LRRC37B: variants seen among roughly 807,000 people sequenced by gnomAD.
LRRC37B encodes the protein leucine-rich repeat-containing protein 37B.
In LRRC37B, 28 loss-of-function variants were observed where a neutral mutation model predicts 98.3. The ratio of observed to expected loss-of-function variants is 0.28; its 90% CI spans 0.21 to 0.39. The LOEUF (loss-of-function observed/expected upper bound fraction) is 0.39. LRRC37B is among the 10% of genes least tolerant of loss of function. The pLI, the probability that LRRC37B is intolerant of heterozygous loss-of-function variation, is 1.00. For missense variants in LRRC37B, 938 were observed against 1,182.7 expected, an observed-to-expected ratio of 0.79 and a Z score of 3.03; for synonymous variants, 364 against 442.7, an observed-to-expected ratio of 0.82 and a Z score of 2.23.
rs1911637263 is a variant in LRRC37B, at chr17:32,047,915, C to G, written c.2464+14C>G. ...CAGGCTTTGGGGGTGAGCAGCTAGACACCAATGACGAGAGTGATGTTAGCA... is the reference window on the plus strand; with the variant it reads ...CAGGCTTTGGGGGTGAGCAGCTAGAGACCAATGACGAGAGTGATGTTAGCA... On this transcript the variant is annotated intron_variant, in intron 9 of 11. Transcript: ENST00000327564. 1 of 1,614,022 alleles carries G rather than the reference C, an allele frequency of 6.2e-7. No individual in the cohort carries two copies. Among genetic ancestry groups the G allele is most frequent in the South Asian group, 1.1e-5 (1 of 91,086 alleles).
At chr17:32,035,536 A>G (rs745931049) in intron 6 of LRRC37B, 29 bp from the exon 10 acceptor site, 1 of 1,594,352 alleles carries the variant, frequency 6.3e-7, no homozygotes, top group Admixed American at 1.7e-5. Context: ...ATGGGTTCAT[A>G]TCATGAATGT....
At chr17:32,048,925 G>A (rs555507244) in intron 9 of LRRC37B, 177 bp from the exon 13 acceptor site, 1 of 1,336,712 alleles carries the variant, frequency 7.5e-7, no homozygotes, top group East Asian at 2.3e-5. Context: ...TGTGTTCAAA[G>A]ACACATCTCT....
At chr17:32,033,231 G>T (rs554616229) in intron 5 of LRRC37B, among the ~76,000 whole-genome samples, 3 of 151,498 alleles carry the variant, frequency 2.0e-5, no homozygotes, top group African/African-American at 7.3e-5. Context: ...CACCCGCCTG[G>T]CTTCCCAAAG....
chr17:32,041,192 C>G (rs1911419634), intron 7 of LRRC37B: 1 of 772,252 alleles, frequency 1.3e-6, no homozygotes, highest in African/African-American at 1.7e-5. Context: ...AGTATAAGCC[C>G]AAGTTCTGGG....
At chr17:32,022,620 C>T (rs768741218) in exon 1 of LRRC37B, 1 of 1,614,008 alleles carries the variant, frequency 6.2e-7, no homozygotes. Flanking sequence ...CACAGGTCCA[C>T]CTACAAAGTT....
At chr17:32,053,027 G>A in intron 11 of LRRC37B, 1 of 497,736 alleles carries the variant, frequency 2.0e-6, no homozygotes, top group South Asian at 2.6e-5. Context: ...AAGGTATTGA[G>A]CATCCACAGA....
intron 9 of LRRC37B, among the ~76,000 whole-genome samples, chr17:32,048,637 C>G (rs71375500): frequency 8.5e-5 from 13 of 152,300 alleles, no homozygotes; most frequent in Admixed American, 3.3e-4. Flanking sequence ...GAAAAAAATA[C>G]CGCTTTTATA....
chr17:32,021,692 A>T (rs752721720), exon 1 of LRRC37B: 3 of 1,614,252 alleles, frequency 1.9e-6, no homozygotes, highest in Non-Finnish European at 1.7e-6. Flanking sequence ...TTTCAAGACC[A>T]ACCAAATTTG....
chr17:32,031,815 C>T, intron 5 of LRRC37B, among the ~76,000 whole-genome samples: 1 of 151,764 alleles, frequency 6.6e-6, no homozygotes, highest in Non-Finnish European at 1.5e-5. Flanking sequence ...ACCAGCTTGG[C>T]CAACATAGTG....
rs537394307 is a variant in LRRC37B, at chr17:32,028,919, G to A, written c.1904+1079G>A. ...GCCAAAGTGCTACAGAGGCCATGAA[G>A]TAATAAAACTACATTTGCTTTAAAA... On this transcript the variant is annotated intron_variant, in intron 3 of 11. Coordinates refer to ENST00000327564, the Ensembl canonical transcript of LRRC37B. 7 of 150,822 alleles carry A rather than the reference G, an allele frequency of 4.6e-5. No homozygotes were observed. The South Asian group carries it at 1.5e-3, about 32-fold the overall frequency. 9.3% of individuals were successfully genotyped at this position (150,822 alleles called of 1,614,324 possible).
At chr17:32,026,857 T>C (rs1319556985) in intron 2 of LRRC37B, among the ~76,000 whole-genome samples, 1 of 152,210 alleles carries the variant, frequency 6.6e-6, no homozygotes, top group South Asian at 2.1e-4. Context: ...AATAATCTTT[T>C]GTAACAATGT....
chr17:32,022,163 C>G (rs1474572913), exon 1 of LRRC37B: 3 of 1,613,650 alleles, frequency 1.9e-6, no homozygotes, highest in Admixed American at 1.7e-5. Context: ...ATAATTTGCC[C>G]AAGTTTACAG....
chr17:32,015,510 A>G (rs1910629859), intron 1 of LRRC37B, among the ~76,000 whole-genome samples: 1 of 152,196 alleles, frequency 6.6e-6, no homozygotes, highest in Non-Finnish European at 1.5e-5. Flanking sequence ...TACCAATTAG[A>G]AACAAGGGGA....
At chr17:32,041,649 C>T (rs979025096) in intron 7 of LRRC37B, 7 of 460,338 alleles carry the variant, frequency 1.5e-5, no homozygotes, top group African/African-American at 1.0e-4. Flanking sequence ...CACCCAGGCC[C>T]GGGCCCTTGA....
At chr17:32,030,537 A>C (rs1162722350) in intron 3 of LRRC37B, 119 bp from the exon 7 acceptor site, 2 of 823,388 alleles carry the variant, frequency 2.4e-6, no homozygotes, top group Non-Finnish European at 1.8e-6. Context: ...ATACAGGTCC[A>C]AATGTTTAGA....
chr17:32,029,468 C>T (rs763916063), intron 3 of LRRC37B, among the ~76,000 whole-genome samples: 9 of 151,906 alleles, frequency 5.9e-5, no homozygotes, highest in Non-Finnish European at 1.2e-4. Context: ...TGGATGTGGG[C>T]ACTAGGAGGG....
At chr17:32,029,413 C>T (rs1911051577) in intron 3 of LRRC37B, among the ~76,000 whole-genome samples, 1 of 152,026 alleles carries the variant, frequency 6.6e-6, no homozygotes, top group Admixed American at 6.6e-5. Flanking sequence ...GGAGTTTATG[C>T]TCAGAAAAAA....
At chr17:32,045,952 C>G in intron 8 of LRRC37B, 134 bp downstream of exon 11, 2 of 1,004,480 alleles carry the variant, frequency 2.0e-6, no homozygotes, top group South Asian at 3.4e-5. Context: ...TCAACTCCCT[C>G]AACTTCTGAA....
intron 7 of LRRC37B, among the ~76,000 whole-genome samples, chr17:32,039,575 ATATATATTT>A (rs1911365817): frequency 1.6e-5 from 2 of 125,978 alleles, no homozygotes; most frequent in African/African-American, 6.0e-5. Context: ...ATATATTTCT[ATATATATTT>A]TATATATTTA....
Sources: allele counts gnomAD v4.1 joint callset (sites outside exome capture counted in the v4.1 genomes callset), GRCh38; gene constraint gnomAD v4.1.1; transcripts MANE v1.5; gene names NCBI Gene and HGNC (gene_info 2026-07-23, HGNC 2026-07-21).